PSAT1: variants seen among roughly 807,000 people sequenced by gnomAD.
PSAT1 encodes phosphoserine aminotransferase.
In PSAT1, 41 loss-of-function variants were observed where a neutral mutation model predicts 40.3. The ratio of observed to expected loss-of-function variants is 1.02; its 90% CI spans 0.79 to 1.32. The LOEUF is 1.32. Among genes scored for constraint, PSAT1 ranks in the 40% most tolerant of loss-of-function variants. The probability of loss-of-function intolerance (pLI) is 0.00; values close to 1 mark genes in which losing one functional copy is unlikely to be tolerated. For synonymous variants in PSAT1, 147 were observed against 170.5 expected (o/e 0.86, Z 1.07); for missense variants, 406 against 455.8 (o/e 0.89, Z 0.99).
At chr9:78,315,516 G>A (rs1013309315) in intron 6 of PSAT1, among the ~76,000 whole-genome samples, 2 of 152,198 alleles carry the variant, frequency 1.3e-5, no homozygotes, top group Admixed American at 6.5e-5. Context: ...GAGAGCTACC[G>A]CTGAGGCTGT....
chr9:78,300,982 C>T (rs1004257422), intron 2 of PSAT1, among the ~76,000 whole-genome samples: 9 of 152,158 alleles, frequency 5.9e-5, no homozygotes, highest in African/African-American at 2.2e-4. Context: ...AAGCCATCCT[C>T]CCACATTGGC....
At chr9:78,309,542 T>C (rs1436311426) in intron 6 of PSAT1, among the ~76,000 whole-genome samples, 2 of 152,210 alleles carry the variant, frequency 1.3e-5, no homozygotes, top group Non-Finnish European at 2.9e-5. Context: ...TTTGTATTTT[T>C]AGTAGAGATG....
intron 7 of PSAT1, among the ~76,000 whole-genome samples, chr9:78,322,811 T>C (rs1041940649): frequency 6.6e-6 from 1 of 152,206 alleles, no homozygotes; most frequent in Non-Finnish European, 1.5e-5. Context: ...CCTTAGGAAA[T>C]GCAGATTAAA....
intron 6 of PSAT1, among the ~76,000 whole-genome samples, chr9:78,316,613 C>T (rs1828348084): frequency 6.6e-6 from 1 of 152,154 alleles, no homozygotes; most frequent in Non-Finnish European, 1.5e-5. Flanking sequence ...CCTTGCTGGA[C>T]CTGCATACTG....
rs566939868 is a variant in PSAT1, at chr9:78,321,022, A to G, written c.869+3218A>G. ...GGACTCTCCTGAATCCCCCCCCGCC[A>G]CGCCTAGGTCCTTTAACTCCAAGCA... On this transcript the variant is annotated intron_variant, in intron 7 of 8. Coordinates refer to ENST00000376588, the MANE Select transcript of PSAT1 (RefSeq NM_058179.4). Among the ~76,000 whole-genome samples, 3 of 152,028 alleles carry G rather than the reference A, an allele frequency of 2.0e-5. No individual in the cohort carries two copies. In the East Asian group the frequency reaches 5.8e-4, roughly 29 times the overall value.
chr9:78,302,573 A>G (rs1828122263), intron 3 of PSAT1, among the ~76,000 whole-genome samples: 1 of 152,176 alleles, frequency 6.6e-6, no homozygotes, highest in Non-Finnish European at 1.5e-5. Context: ...AAAAATACAA[A>G]AAAAGAAAAA....
At chr9:78,306,607 T>C in intron 5 of PSAT1, 121 bp downstream of exon 5, 6 of 1,260,826 alleles carry the variant, frequency 4.8e-6, no homozygotes, top group Non-Finnish European at 6.9e-6. Context: ...CCTGAGCCAG[T>C]GCAGCTGCCA....
chr9:78,321,408 G>A (rs913097510), intron 7 of PSAT1, among the ~76,000 whole-genome samples: 8 of 152,114 alleles, frequency 5.3e-5, no homozygotes, highest in African/African-American at 1.9e-4. Context: ...TCTTTTCTTT[G>A]GAACTATGGA....
intron 5 of PSAT1, among the ~76,000 whole-genome samples, chr9:78,308,007 C>G (rs1828210116): frequency 6.6e-6 from 1 of 152,128 alleles, no homozygotes; most frequent in Non-Finnish European, 1.5e-5. Context: ...CCACTGCACT[C>G]CAGCCTGGGT....
chr9:78,314,601 G>T (rs1204004127), intron 6 of PSAT1, among the ~76,000 whole-genome samples: 2 of 152,180 alleles, frequency 1.3e-5, no homozygotes, highest in African/African-American at 2.4e-5. Flanking sequence ...TCTGCCTCTT[G>T]TTTAGGCTTC....
At position 78,328,114 on chromosome 9, in the gene PSAT1, A is replaced by T. The variant is rs756187059; in HGVS notation, c.933A>T (p.Lys311Asn). The change falls in exon 8 of 9, where the codon AAA (lysine) becomes AAT (asparagine). Residue 311 changes from lysine to asparagine, a missense_variant. Transcript: ENST00000376588. ...MNIPFRIGNA[K>N]GDDALEKRFL... is the part of the protein sequence containing the mutation. ...TTCCATTCCGCATTGGCAATGCCAAAGGAGATGATGCTTTAGAAAAAAGAT... is the reference window on the plus strand; with the variant it reads ...TTCCATTCCGCATTGGCAATGCCAATGGAGATGATGCTTTAGAAAAAAGAT... 2 of 1,612,148 alleles carry T rather than the reference A, an allele frequency of 1.2e-6. No homozygotes were observed. Among genetic ancestry groups the T allele is most frequent in the East Asian group, 2.2e-5 (1 of 44,892 alleles).
intron 6 of PSAT1, among the ~76,000 whole-genome samples, chr9:78,316,381 G>C (rs1038217248): frequency 1.3e-5 from 2 of 152,156 alleles, no homozygotes; most frequent in Non-Finnish European, 2.9e-5. Flanking sequence ...TTCTCTCAGC[G>C]GGAATGTTGG....
intron 7 of PSAT1, among the ~76,000 whole-genome samples, chr9:78,326,511 A>G (rs571687010): frequency 2.6e-4 from 40 of 152,192 alleles, no homozygotes; most frequent in Non-Finnish European, 5.4e-4. Context: ...TGCTGGGAAT[A>G]AAAAGATGAA....
At chr9:78,327,656 C>T (rs923836729) in intron 7 of PSAT1, among the ~76,000 whole-genome samples, 2 of 152,122 alleles carry the variant, frequency 1.3e-5, no homozygotes, top group Non-Finnish European at 2.9e-5. Context: ...ATAGGACCAA[C>T]TTATTATTTC....
At chr9:78,309,265 C>T (rs1828231153) in intron 6 of PSAT1, among the ~76,000 whole-genome samples, 1 of 152,244 alleles carries the variant, frequency 6.6e-6, no homozygotes, top group South Asian at 2.1e-4. Flanking sequence ...GAAGAACTTT[C>T]AAAAGCTGGG....
chr9:78,304,382 C>G (rs955274637), intron 3 of PSAT1, among the ~76,000 whole-genome samples: 1 of 152,168 alleles, frequency 6.6e-6, no homozygotes, highest in African/African-American at 2.4e-5. Context: ...ATTGGCCAGC[C>G]TGGGGCAGGT....
intron 6 of PSAT1, among the ~76,000 whole-genome samples, chr9:78,309,365 T>C (rs1033316403): frequency 1.3e-5 from 2 of 152,134 alleles, no homozygotes; most frequent in Admixed American, 6.6e-5. Flanking sequence ...TTCTGGGTTT[T>C]GTTGTTGTTG....
At chr9:78,315,497 C>T (rs1055178556) in intron 6 of PSAT1, among the ~76,000 whole-genome samples, 9 of 152,242 alleles carry the variant, frequency 5.9e-5, no homozygotes, top group South Asian at 4.1e-4. Flanking sequence ...ACTTCTTGGA[C>T]GTTAGCCAGA....
rs75659787 is a variant in PSAT1 at position 78,302,442 on chromosome 9, A to G, written c.191+419A>G. Among the ~76,000 whole-genome samples, 786 of 152,240 alleles carry G rather than the reference A, an allele frequency of 5.2e-3. 4 individuals carry two copies. Among genetic ancestry groups the G allele is most frequent in the African/African-American group, 0.018 (748 of 41,550 alleles). ...GTTAGGGGGAATATTAAAAAATTCA[A>G]GTGGGGCCGGGCAAGGTGGCTCATG... On this transcript the variant is annotated intron_variant, in intron 3 of 8. Transcript: ENST00000376588.
Sources: gnomAD v4.1 joint callset for allele counts (sites outside exome capture counted in the v4.1 genomes callset) on GRCh38, gnomAD v4.1.1 for gene constraint, MANE v1.5 for transcripts, NCBI Gene and HGNC (gene_info 2026-07-23, HGNC 2026-07-21) for gene names.